Variants in PTGIR observed in about 807,000 individuals in gnomAD.
The protein encoded by PTGIR is prostacyclin receptor.
In PTGIR, 16 loss-of-function variants were observed where a neutral mutation model predicts 17.6. The ratio of observed to expected loss-of-function variants is 0.91; its 90% CI spans 0.61 to 1.38. PTGIR has a LOEUF of 1.38. Ranked by LOEUF, PTGIR falls within the 40% of genes most tolerant of loss-of-function variation. The pLI is 0.00. For synonymous variants in PTGIR, 274 were observed against 255.4 expected, an observed-to-expected ratio of 1.07 and a Z score of -0.69; for missense variants, 532 against 548.6, an observed-to-expected ratio of 0.97 and a Z score of 0.30.
chr19:46,616,171 T>C (rs529394564), downstream of PTGIR, among the ~76,000 whole-genome samples: 8 of 152,122 alleles, frequency 5.3e-5, no homozygotes, highest in South Asian at 1.2e-3. Flanking sequence ...GCCAAGGCTA[T>C]GTCAGTCACC....
the PTGIR span, among the ~76,000 whole-genome samples, chr19:46,612,045 C>T: frequency 1.1e-4 from 17 of 152,314 alleles, no homozygotes; most frequent in South Asian, 2.3e-3. Context: ...GAGCCAGCGG[C>T]GAGGGTGGAG....
At position 46,623,877 on chromosome 19, in the gene PTGIR, G is replaced by A. The variant is rs199907505; in HGVS notation, c.349C>T (p.Arg117Cys). Residue 117 changes from arginine (R) to cysteine (C), a missense_variant, in exon 2 of 3, where the codon CGC (arginine) becomes TGC (cysteine). By Grantham distance (180) the Arg-to-Cys change is radical. Coordinates refer to ENST00000291294, the MANE Select transcript of PTGIR (RefSeq NM_000960.4). ...TAGGGGTGGCTCAGCGCCAGGCAGC[G>A]CTCCACGGCCATGGCAAAGAGGATG... ...MLILFAMAVE[R>C]CLALSHPYLY... is the part of the protein sequence containing the mutation. 7 of 1,610,392 alleles carry A rather than the reference G, an allele frequency of 4.3e-6. No individual in the cohort carries two copies. The highest frequency in any genetic ancestry group is 2.2e-5 in the East Asian group (1 of 44,812).
chr19:46,622,183 G>T (rs569661762), intron 2 of PTGIR: 1 of 985,380 alleles, frequency 1.0e-6, no homozygotes, highest in East Asian at 1.1e-4. Flanking sequence ...CAGACACTGA[G>T]TGGGTACCAG....
chr19:46,623,686 GC>G lies in PTGIR; in HGVS notation c.539del (p.Gly180AlafsTer59). 1 of 1,552,130 alleles carries G rather than the reference GC, an allele frequency of 6.4e-7. No homozygotes were observed. Among genetic ancestry groups the G allele is most frequent in the Non-Finnish European group, 8.7e-7 (1 of 1,151,956 alleles). ...CGTAGGCCAGCGAGAAGGCGGCGCCGCCCGGCTGGGCCCAGCGCATGCGGAG... is the reference window on the plus strand; with the variant it reads ...CGTAGGCCAGCGAGAAGGCGGCGCCGCCGGCTGGGCCCAGCGCATGCGGAG... ...CFLRMRWAQP[G>X]GAAFSLAYAG... On this transcript the variant is annotated frameshift_variant, in exon 2 of 3. Transcript: ENST00000291294. LOFTEE classifies it high-confidence loss of function.
In PTGIR at chr19:46,621,850, G is replaced by A; in HGVS notation, c.769-178C>T. On this transcript the variant is annotated intron_variant, in intron 2 of 2. Coordinates refer to ENST00000291294, the MANE Select transcript of PTGIR (RefSeq NM_000960.4). The surrounding 1 kb of genome is among the most constrained non-coding windows in gnomAD (Gnocchi z 4.8). ...GGGAACACAGGGAGAGAAAGCCCCA[G>A]GAAATTGCCAGAGATGCCTAAGGGG... The A allele has an allele frequency of 1.4e-6, 2 of 1,382,462 alleles. No individual in the cohort carries two copies. The highest frequency in any genetic ancestry group is 1.9e-6 in the Non-Finnish European group (2 of 1,071,390). The allele number at this position is 1,382,462 out of a possible 1,614,324, so 85.6% of individuals were successfully genotyped here. A position where few individuals can be genotyped will look rare whatever the true frequency, so the allele number is the denominator to read the frequency against.
Position 46,620,966 on chromosome 19 carries a change from T to C in PTGIR, c.*314A>G. The C allele has an allele frequency of 9.5e-7, 1 of 1,054,444 alleles. No individual in the cohort carries two copies. Among genetic ancestry groups the C allele is most frequent in the Non-Finnish European group, 1.1e-6 (1 of 875,024 alleles). 65.3% of individuals were successfully genotyped at this position (1,054,444 alleles called of 1,614,324 possible). ...GAGCAGACCTGACTGTACAGAAGCC[T>C]CTGGGAACTTCTCCGCCTTCTAAAT... On this transcript the variant is annotated 3_prime_UTR_variant, in exon 3 of 3. Transcript: ENST00000291294.
In PTGIR at chr19:46,623,953, C is replaced by G; in HGVS notation, c.273G>C (p.Leu91=). 1.9e-6 allele frequency: 3 copies of G among 1,588,452 alleles called. No homozygotes were observed. Among genetic ancestry groups the G allele is most frequent in the South Asian group, 2.3e-5 (2 of 88,278 alleles). The part of the protein sequence containing the change: ...LLGLARGGPA[L]CDAFAFAMTF... ...TCATGGCGAAGGCGAAGGCATCGCA[C>G]AGGGCGGGGCCGCCTCGGGCCAGGC... Residue 91 remains leucine, a synonymous_variant, in exon 2 of 3, where the codon CTG becomes CTC. Coordinates refer to ENST00000291294, the MANE Select transcript of PTGIR (RefSeq NM_000960.4).
At chr19:46,618,257 G>A (rs1012006238), downstream of PTGIR, among the ~76,000 whole-genome samples, 3 of 151,840 alleles carry the variant, frequency 2.0e-5, no homozygotes, top group South Asian at 2.1e-4. Flanking sequence ...CTGGTGATCC[G>A]CCCGCCTCGG....
intron 2 of PTGIR, chr19:46,622,987 T>A (rs74830257): frequency 0.06 from 6,584 of 110,630 alleles, 294 homozygotes; most frequent in East Asian, 0.28. Flanking sequence ...CTTATTTTTT[T>A]TTTTTTTTTT....
intron 1 of PTGIR, chr19:46,624,515 C>T: frequency 9.5e-6 from 3 of 315,380 alleles, no homozygotes; most frequent in Non-Finnish European, 1.7e-5. Flanking sequence ...AGAGCAATGG[C>T]ATGATCTCGG....
downstream of PTGIR, among the ~76,000 whole-genome samples, chr19:46,619,541 GAAAGAA>G (rs576543634): frequency 3.2e-3 from 186 of 58,964 alleles, 1 homozygote; most frequent in Middle Eastern, 8.8e-3. Context: ...AAGAAAGAAA[GAAAGAA>G]AGAGAGAGAG....
intron 2 of PTGIR, 117 bp downstream of exon 2, chr19:46,623,341 C>A (rs762169527): frequency 7.4e-5 from 92 of 1,248,670 alleles, no homozygotes; most frequent in Non-Finnish European, 9.2e-5. Context: ...CGTGAGCCAC[C>A]ATGCCCACGA....
intron 2 of PTGIR, chr19:46,622,326 G>C (rs2052739068): frequency 1.0e-6 from 1 of 985,246 alleles, no homozygotes; most frequent in Non-Finnish European, 1.2e-6. Context: ...TACAATGGAA[G>C]GACCCAGGAC....
In PTGIR at chr19:46,621,365, G is replaced by T. The variant is rs1265688242; in HGVS notation, c.1076C>A (p.Pro359His). The change falls in exon 3 of 3, where the codon CCC becomes CAC. Residue 359 changes from proline to histidine, a missense_variant. By Grantham distance (77) the Pro-to-His change is moderately conservative (BLOSUM62 -2). Transcript: ENST00000291294. This position sits in a 1 kb window ranked among gnomAD's most constrained non-coding sequence, Gnocchi z 4.8. The stretch of plus-strand genomic sequence containing the variant: ...GCTGGACTGCTGTGTGGGAGGCAAG[G>T]GCTCCACCTGCCCCTCGCCCCAAGC... ...LSAWGEGQVE[P>H]LPPTQQSSGS... The T allele has an allele frequency of 1.9e-6, 3 of 1,567,646 alleles. No individual in the cohort carries two copies. The Admixed American group carries it at 5.4e-5, about 28-fold the overall frequency.
At chr19:46,617,352 C>T (rs1241013686), downstream of PTGIR, among the ~76,000 whole-genome samples, 7 of 152,054 alleles carry the variant, frequency 4.6e-5, no homozygotes, top group South Asian at 2.1e-4. Context: ...AAATCACCCC[C>T]GAGGGGCAAA....
rs1363117537 is a variant in PTGIR, at chr19:46,621,099, C to T, written c.*181G>A. The T allele has an allele frequency of 1.6e-6, 2 of 1,285,888 alleles. No homozygotes were observed. The highest frequency in any genetic ancestry group is 3.2e-5 in the South Asian group (1 of 31,738). 79.7% of individuals were successfully genotyped at this position (1,285,888 alleles called of 1,614,324 possible). On this transcript the variant is annotated 3_prime_UTR_variant, in exon 3 of 3. Coordinates refer to ENST00000291294, the MANE Select transcript of PTGIR (RefSeq NM_000960.4). The surrounding 1 kb of genome is among the most constrained non-coding windows in gnomAD (Gnocchi z 4.8). ...CTGCACTCCAGGATAAACGTTTCCT[C>T]TGTCCCTCACTCTCTTCCCAGAGCC... is the stretch of plus-strand genomic sequence containing the variant.
chr19:46,621,782 A>C lies in PTGIR; in HGVS notation c.769-110T>G. On this transcript the variant is annotated intron_variant, in intron 2 of 2. Transcript: ENST00000291294. The surrounding 1 kb of genome is among the most constrained non-coding windows in gnomAD (Gnocchi z 4.8). ...GGATGAGGTAGGGGTGACATGTCAG[A>C]GGGGAAGGAGATAAGATAAAGACTA... 6.8e-7 allele frequency: 1 copy of C among 1,462,858 alleles called. No individual in the cohort carries two copies. Among genetic ancestry groups the C allele is most frequent in the Non-Finnish European group, 9.0e-7 (1 of 1,107,180 alleles). The allele number at this position is 1,462,858 out of a possible 1,614,324, so 90.6% of individuals were successfully genotyped here.
the PTGIR span, among the ~76,000 whole-genome samples, chr19:46,611,565 C>G: frequency 6.6e-6 from 1 of 152,180 alleles, no homozygotes; most frequent in Non-Finnish European, 1.5e-5. Context: ...AGCCAAATTA[C>G]AAACCACAGA....
downstream of PTGIR, among the ~76,000 whole-genome samples, chr19:46,616,986 T>A (rs1971971772): frequency 6.6e-6 from 1 of 152,244 alleles, no homozygotes; most frequent in African/African-American, 2.4e-5. Flanking sequence ...AGTGGTTGCA[T>A]CTTCAAGGAG....
Sources: gnomAD v4.1 joint callset for allele counts (sites outside exome capture counted in the v4.1 genomes callset) on GRCh38, gnomAD v4.1.1 for gene constraint, Gnocchi (gnomAD v3.1) non-coding constraint, MANE v1.5 for transcripts, NCBI Gene and HGNC (gene_info 2026-07-23, HGNC 2026-07-21) for gene names.